The following UTRN variants were observed in gnomAD, a reference collection of about 807,000 sequenced individuals.
UTRN encodes dystrophin-related protein 1.
Under a neutral mutation model 463.9 loss-of-function variants are expected in UTRN, and 283 were observed. The observed-to-expected ratio is 0.61, with a 90% CI of 0.55 to 0.67. The LOEUF (loss-of-function observed/expected upper bound fraction) is 0.67. Among genes scored for constraint, UTRN ranks in the 30% least tolerant of loss-of-function variants. UTRN has a pLI of 0.00. For synonymous variants in UTRN, 1,442 were observed against 1,431.5 expected (o/e 1.01, Z -0.17); for missense variants, 3,922 against 4,084.3 (o/e 0.96, Z 1.08).
intron 50 of UTRN, among the ~76,000 whole-genome samples, chr6:144,561,258 T>TACAC (rs374956062): frequency 3.8e-5 from 3 of 78,812 alleles, no homozygotes; most frequent in East Asian, 6.1e-4. Flanking sequence ...TATATATATA[T>TACAC]ATACATACAC....
chr6:144,526,935 A>G (rs1415486806), intron 41 of UTRN, among the ~76,000 whole-genome samples: 2 of 151,998 alleles, frequency 1.3e-5, no homozygotes, highest in Non-Finnish European at 2.9e-5. Flanking sequence ...AGCTGGGGCT[A>G]CAGGTGCCCA....
Position 144,291,816 on chromosome 6 carries a change from A to G in UTRN, c.-13A>G. ...TTGGTAAAGTTTTTGGATTATCTTG[A>G]AACTCTGGCAAGATGGCCAAGTATG... On this transcript the variant is annotated 5_prime_UTR_variant, in exon 2 of 75. Transcript: ENST00000367545. The G allele has an allele frequency of 6.2e-7, 1 of 1,610,084 alleles. No homozygotes were observed. Among genetic ancestry groups the G allele is most frequent in the Non-Finnish European group, 8.5e-7 (1 of 1,178,622 alleles).
intron 2 of UTRN, among the ~76,000 whole-genome samples, chr6:144,337,368 G>A (rs1776818319): frequency 6.6e-6 from 1 of 152,116 alleles, no homozygotes; most frequent in South Asian, 2.1e-4. Flanking sequence ...GGGCTTTGGT[G>A]CGATTATTGT....
At chr6:144,378,585 A>G (rs1780655218) in intron 2 of UTRN, among the ~76,000 whole-genome samples, 1 of 152,154 alleles carries the variant, frequency 6.6e-6, no homozygotes, top group Admixed American at 6.5e-5. Flanking sequence ...AGCAGCATGA[A>G]CCAATATCCC....
intron 66 of UTRN, among the ~76,000 whole-genome samples, chr6:144,825,989 G>T (rs1175904613): frequency 3.0e-5 from 4 of 131,582 alleles, no homozygotes; most frequent in African/African-American, 1.1e-4. Flanking sequence ...ACACACCGGA[G>T]ACTGTTGTGG....
chr6:144,346,967 A>G (rs1436528329), intron 2 of UTRN, among the ~76,000 whole-genome samples: 1 of 152,174 alleles, frequency 6.6e-6, no homozygotes, highest in Non-Finnish European at 1.5e-5. Context: ...ACTAGATGCT[A>G]ACAATAATAT....
chr6:144,561,558 C>T (rs1799924968), intron 50 of UTRN, among the ~76,000 whole-genome samples: 1 of 151,810 alleles, frequency 6.6e-6, no homozygotes, highest in African/African-American at 2.4e-5. Flanking sequence ...CGCATTTTAC[C>T]TTGCCTATGT....
At chr6:144,656,463 GC>G (rs1779320645) in intron 51 of UTRN, among the ~76,000 whole-genome samples, 1 of 152,194 alleles carries the variant, frequency 6.6e-6, no homozygotes, top group African/African-American at 2.4e-5. Flanking sequence ...CCCAGCTGGA[GC>G]GCAGTGGCAC....
At chr6:144,569,452 A>G (rs1014108996) in intron 50 of UTRN, among the ~76,000 whole-genome samples, 1 of 152,176 alleles carries the variant, frequency 6.6e-6, no homozygotes, top group Admixed American at 6.6e-5. Flanking sequence ...TTAATTGCCT[A>G]GTATTTCACC....
At chr6:144,521,885 A>C (rs1179355569) in intron 39 of UTRN, 95 bp from the exon 40 acceptor site, 5 of 834,834 alleles carry the variant, frequency 6.0e-6, no homozygotes, top group Non-Finnish European at 7.9e-6. Flanking sequence ...ATGATATTGC[A>C]TTCCTTCACA....
chr6:144,533,559 A>G (rs1014167399), intron 43 of UTRN, among the ~76,000 whole-genome samples: 1 of 151,870 alleles, frequency 6.6e-6, no homozygotes, highest in East Asian at 1.9e-4. Context: ...AATAACTGAA[A>G]CTCCAGGTTT....
intron 29 of UTRN, among the ~76,000 whole-genome samples, chr6:144,488,339 T>C (rs1054374017): frequency 1.6e-4 from 25 of 152,332 alleles, no homozygotes; most frequent in Admixed American, 4.6e-4. Flanking sequence ...ATATTCTTAA[T>C]TGGCAGACAT....
intron 48 of UTRN, among the ~76,000 whole-genome samples, chr6:144,553,290 G>A (rs775569307): frequency 6.6e-6 from 1 of 151,988 alleles, no homozygotes; most frequent in East Asian, 1.9e-4. Context: ...CACCTGCCTC[G>A]GCCTCCCAAA....
chr6:144,685,973 G>A (rs75750931), intron 52 of UTRN, among the ~76,000 whole-genome samples: 6,061 of 152,018 alleles, frequency 0.04, 395 homozygotes, highest in African/African-American at 0.14. Context: ...CTTTGCCTAG[G>A]CCAATTTTCA....
intron 23 of UTRN, among the ~76,000 whole-genome samples, chr6:144,471,373 G>C (rs1790643599): frequency 6.6e-6 from 1 of 152,200 alleles, no homozygotes; most frequent in Admixed American, 6.5e-5. Flanking sequence ...AATTTTGGCT[G>C]AGGAGACTAT....
intron 2 of UTRN, among the ~76,000 whole-genome samples, chr6:144,367,844 C>T (rs561587962): frequency 1.3e-5 from 2 of 152,140 alleles, no homozygotes; most frequent in South Asian, 2.1e-4. Flanking sequence ...TGCAGTAGTG[C>T]GATCTCGGCT....
At chr6:144,314,084 C>T (rs1003922305) in intron 2 of UTRN, among the ~76,000 whole-genome samples, 18 of 152,012 alleles carry the variant, frequency 1.2e-4, no homozygotes, top group African/African-American at 3.6e-4. Context: ...ACTTATTTAG[C>T]TTAATGTTTT....
chr6:144,618,346 C>T (rs753177848), intron 51 of UTRN, among the ~76,000 whole-genome samples: 11 of 152,070 alleles, frequency 7.2e-5, no homozygotes, highest in Non-Finnish European at 1.2e-4. Flanking sequence ...GATGATACTA[C>T]TAAGTACAGT....
intron 71 of UTRN, 101 bp downstream of exon 71, chr6:144,836,642 T>C: frequency 1.3e-6 from 2 of 1,499,684 alleles, no homozygotes; most frequent in Middle Eastern, 2.5e-4. Context: ...AAGTCCACTT[T>C]CAATTTCTTA....
Sources: gnomAD v4.1 joint callset for allele counts (sites outside exome capture counted in the v4.1 genomes callset) on GRCh38, gnomAD v4.1.1 for gene constraint, MANE v1.5 for transcripts, NCBI Gene and HGNC (gene_info 2026-07-23, HGNC 2026-07-21) for gene names.